DCAF4: variants seen among roughly 807,000 people sequenced by gnomAD.
DCAF4 encodes the protein DDB1 and CUL4 associated factor 4, also known as DDB1- and CUL4-associated factor 4.
Under a neutral mutation model 60.9 loss-of-function variants are expected in DCAF4, and 37 were observed. The observed-to-expected ratio is 0.61, with a 90% confidence interval of 0.47 to 0.80. The LOEUF (loss-of-function observed/expected upper bound fraction) is 0.80. Ranked by LOEUF, DCAF4 falls within the 30% of genes least tolerant of loss-of-function variation. DCAF4 has a pLI of 0.00. For synonymous variants in DCAF4, 243 were observed against 254.8 expected (o/e 0.95, Z 0.44); for missense variants, 577 against 650.0 (o/e 0.89, Z 1.22).
intron 6 of DCAF4, among the ~76,000 whole-genome samples, chr14:72,943,493 A>T (rs1890322123): frequency 6.6e-6 from 1 of 152,168 alleles, no homozygotes; most frequent in Admixed American, 6.5e-5. Flanking sequence ...CCTGCAGCCC[A>T]GTGTGCCTTT....
At chr14:72,929,761 C>T in intron 1 of DCAF4, 1 of 1,033,760 alleles carries the variant, frequency 9.7e-7, no homozygotes, top group Admixed American at 1.7e-5. Flanking sequence ...GACTCCATGG[C>T]GCGCAGCTCG....
chr14:72,954,483 G>A lies in DCAF4; in HGVS notation c.1005G>A (p.Met335Ile), dbSNP rs763108340. ...TCTTGGCCCAGCAGTTTGCTCTCATGGTTGGTTGGATTGGGACAGGCAGAA... is the reference window on the plus strand; with the variant it reads ...TCTTGGCCCAGCAGTTTGCTCTCATAGTTGGTTGGATTGGGACAGGCAGAA... Reference protein sequence around the residue: ...SDVLAQQFALMAPLLFNGCRS... With the variant: ...SDVLAQQFALIAPLLFNGCRS... The change falls in exon 11 of 14, where the codon ATG (methionine) becomes ATA (isoleucine). Residue 335 changes from methionine to isoleucine, a missense_variant and splice_region_variant. By Grantham distance (10) the Met-to-Ile change is conservative. Coordinates refer to ENST00000358377, the MANE Select transcript of DCAF4 (RefSeq NM_015604.4). 3.7e-6 allele frequency: 6 copies of A among 1,614,020 alleles called. No homozygotes were observed. The highest frequency in any genetic ancestry group is 1.3e-5 in the African/African-American group (1 of 74,928).
downstream of DCAF4, among the ~76,000 whole-genome samples, chr14:72,961,590 C>G (rs1892822721): frequency 6.6e-6 from 1 of 152,234 alleles, no homozygotes; most frequent in Non-Finnish European, 1.5e-5. Context: ...CCCTCCTGTC[C>G]CAGCACAAAC....
chr14:72,929,973 A>AT, intron 1 of DCAF4: 1 of 717,190 alleles, frequency 1.4e-6, no homozygotes. Context: ...GGCCAAAAAT[A>AT]TTTTTTAAAT....
chr14:72,950,238 A>C (rs1594784025), intron 8 of DCAF4, among the ~76,000 whole-genome samples: 1 of 152,228 alleles, frequency 6.6e-6, no homozygotes, highest in Non-Finnish European at 1.5e-5. Context: ...CTGCAAGACT[A>C]AGGGCGGTGG....
chr14:72,942,784 ACTT>A, intron 5 of DCAF4: 1 of 558,208 alleles, frequency 1.8e-6, no homozygotes, highest in Middle Eastern at 4.9e-4. Flanking sequence ...TGGGCCACCC[ACTT>A]CTTCATTTTC....
At chr14:72,941,645 C>T (rs1890059531) in intron 4 of DCAF4, 100 bp from the exon 5 acceptor site, 1 of 1,128,846 alleles carries the variant, frequency 8.9e-7, no homozygotes, top group African/African-American at 1.6e-5. Context: ...AATTTAGTGC[C>T]TGTTTCCTTC....
In DCAF4 at chr14:72,959,627, CAATA is replaced by C; in HGVS notation, c.*825_*828del. 2 of 985,382 alleles carry C rather than the reference CAATA, an allele frequency of 2.0e-6. No individual in the cohort carries two copies. Among genetic ancestry groups the C allele is most frequent in the Non-Finnish European group, 2.4e-6 (2 of 829,918 alleles). The allele number at this position is 985,382 out of a possible 1,614,324, so 61.0% of individuals were successfully genotyped here. A position where few individuals can be genotyped will look rare whatever the true frequency, so the allele number is the denominator to read the frequency against. On this transcript the variant is annotated 3_prime_UTR_variant, in exon 14 of 14. Transcript: ENST00000358377. ...TTAAAGAGCCTGTTTTTCTACCAAA[CAATA>C]AAACCAAGAGAAGAATCATGGTGTG...
Position 72,946,820 on chromosome 14 carries a change from T to C in DCAF4, c.679-322T>C, listed in dbSNP as rs138232421. Among the ~76,000 whole-genome samples the C allele has an allele frequency of 2.6e-3, 400 of 152,338 alleles. 5 individuals are homozygous for C. The highest frequency in any genetic ancestry group is 9.2e-3 in the African/African-American group (381 of 41,582). On this transcript the variant is annotated intron_variant, in intron 7 of 13. Coordinates refer to ENST00000358377, the MANE Select transcript of DCAF4 (RefSeq NM_015604.4). The stretch of plus-strand genomic sequence containing the variant: ...GTTGAAGCATAAGCTGCAAGATGGA[T>C]ACAGGTTGAAAATGGCTTCTGGGTG...
intron 9 of DCAF4, among the ~76,000 whole-genome samples, chr14:72,953,768 A>ATATATAG (rs1567325444): frequency 5.0e-5 from 1 of 20,044 alleles, no homozygotes; most frequent in African/African-American, 1.4e-4. Context: ...TATATAGTTT[A>ATATATAG]TTTATTTATT....
rs754648909 is a variant in DCAF4, at chr14:72,947,131, T to C, written c.679-11T>C. On this transcript the variant is annotated splice_polypyrimidine_tract_variant and intron_variant, in intron 7 of 13. Transcript: ENST00000358377. ...AATAACTTTCCATCTCGCTGTGTGC[T>C]TCCTCACCAGGTGAATTCGGTGTGC... The C allele has an allele frequency of 3.1e-6, 5 of 1,614,148 alleles. No homozygotes were observed. Among genetic ancestry groups the C allele is most frequent in the East Asian group, 2.2e-5 (1 of 44,880 alleles).
At chr14:72,930,452 A>G (rs1236018376) in intron 1 of DCAF4, among the ~76,000 whole-genome samples, 2 of 152,106 alleles carry the variant, frequency 1.3e-5, no homozygotes, top group African/African-American at 2.4e-5. Flanking sequence ...TATTTTTAGT[A>G]GAGACGGGGC....
In DCAF4 at chr14:72,945,923, G is replaced by T. The variant is rs774977386; in HGVS notation, c.574G>T (p.Val192Phe). The T allele has an allele frequency of 6.2e-7, 1 of 1,614,212 alleles. No individual in the cohort carries two copies. Residue 192 changes from valine to phenylalanine, a missense_variant, in exon 7 of 14, where the codon GTT becomes TTT. By Grantham distance (50) the Val-to-Phe change is conservative. Transcript: ENST00000358377. The part of the protein sequence containing the change: ...NSDRLFTVND[V>F]KVGGSKYGII... ...TGACCGGCTCTTCACAGTGAACGATGTTAAAGTTGGAGGCTCCAAGTATGG... is the reference window on the plus strand; with the variant it reads ...TGACCGGCTCTTCACAGTGAACGATTTTAAAGTTGGAGGCTCCAAGTATGG...
At chr14:72,942,017 C>T (rs559603864) in intron 5 of DCAF4, 193 bp downstream of exon 5, 3 of 551,858 alleles carry the variant, frequency 5.4e-6, no homozygotes, top group East Asian at 3.0e-5. Context: ...CTCTCTAGAG[C>T]GAAGGCGGGG....
intron 2 of DCAF4, among the ~76,000 whole-genome samples, chr14:72,939,465 G>T (rs1889729329): frequency 6.6e-6 from 1 of 152,188 alleles, no homozygotes; most frequent in Admixed American, 6.5e-5. Context: ...GCTGACAAAT[G>T]AGCCCAGCTG....
rs1891968859 is a variant in DCAF4 at position 72,954,278 on chromosome 14, C to G, written c.907+16C>G. 1.9e-6 allele frequency: 3 copies of G among 1,613,986 alleles called. No homozygotes were observed. The highest frequency in any genetic ancestry group is 2.5e-6 in the Non-Finnish European group (3 of 1,179,950). ...TTCAGTACAGGTGAGCCTGGCTCCC[C>G]AGGTGCCCAGAGAAGAGGCCTTAAC... is the stretch of plus-strand genomic sequence containing the variant. On this transcript the variant is annotated intron_variant, in intron 10 of 13. Transcript: ENST00000358377.
intron 13 of DCAF4, among the ~76,000 whole-genome samples, 178 bp from the exon 14 acceptor site, chr14:72,958,434 G>A (rs1231711867): frequency 1.3e-5 from 2 of 152,234 alleles, no homozygotes; most frequent in African/African-American, 4.8e-5. Flanking sequence ...TCTTGTCATT[G>A]TTCTAGCACA....
chr14:72,955,486 A>T (rs746498247), intron 11 of DCAF4, 37 bp from the exon 12 acceptor site: 2 of 1,602,364 alleles, frequency 1.2e-6, no homozygotes, highest in African/African-American at 1.3e-5. Flanking sequence ...GAGGGATGTC[A>T]TGATAGCCAG....
chr14:72,951,137 C>T lies in DCAF4; in HGVS notation c.729-661C>T, dbSNP rs552047783. Among the ~76,000 whole-genome samples the T allele has an allele frequency of 6.7e-4, 102 of 152,156 alleles. 1 individual carries two copies. The highest frequency in any genetic ancestry group is 5.9e-3 in the Admixed American group (90 of 15,272). ...CTGGTACTACAGGCACACACCACCA[C>T]GCCCAGCTAGTTTTTGTATTTTTTG... On this transcript the variant is annotated intron_variant, in intron 8 of 13. Transcript: ENST00000358377.
Sources: gnomAD v4.1 joint callset for allele counts (sites outside exome capture counted in the v4.1 genomes callset) on GRCh38, gnomAD v4.1.1 for gene constraint, MANE v1.5 for transcripts, NCBI Gene and HGNC (gene_info 2026-07-23, HGNC 2026-07-21) for gene names.